CX3CR1: variants seen among roughly 807,000 people sequenced by gnomAD.
CX3CR1 encodes the protein C-X3-C motif chemokine receptor 1.
For synonymous variants in CX3CR1, 168 were observed against 178.5 expected, an observed-to-expected ratio of 0.94 and a Z score of 0.47; for missense variants, 363 against 432.4, an observed-to-expected ratio of 0.84 and a Z score of 1.42.
upstream of CX3CR1, chr3:39,286,628 G>A (rs1289986225): frequency 5.1e-5 from 7 of 137,568 alleles, no homozygotes; most frequent in South Asian, 2.5e-4. Context: ...TCCGCAGTCC[G>A]GCCTGGGCGA....
Position 39,265,257 on chromosome 3 carries a change from G to T in CX3CR1, c.*185C>A. 1.7e-6 allele frequency: 1 copy of T among 583,420 alleles called. No individual in the cohort carries two copies. The highest frequency in any genetic ancestry group is 2.9e-6 in the Non-Finnish European group (1 of 340,596). The allele number at this position is 583,420 out of a possible 1,614,324, so 36.1% of individuals were successfully genotyped here. A position where few individuals can be genotyped will look rare whatever the true frequency, so the allele number is the denominator to read the frequency against. ...AAATGTCTACTCTTTGTCATTCAAA[G>T]AGTTCAATTTGTTCATTCTTCAAAT... is the stretch of plus-strand genomic sequence containing the variant. On this transcript the variant is annotated 3_prime_UTR_variant, in exon 2 of 2. Transcript: ENST00000399220.
intron 1 of CX3CR1, among the ~76,000 whole-genome samples, chr3:39,267,617 G>C (rs2669850): frequency 0.45 from 68,986 of 151,880 alleles, 16,081 homozygotes; most frequent in Middle Eastern, 0.54. Context: ...ATCCTACAAC[G>C]CTAAGTGAAG....
At chr3:39,267,663 T>C (rs927109080) in intron 1 of CX3CR1, among the ~76,000 whole-genome samples, 2 of 152,172 alleles carry the variant, frequency 1.3e-5, no homozygotes, top group Admixed American at 6.5e-5. Context: ...TCTGCAGTCA[T>C]AGAGGGGCTG....
chr3:39,274,664 T>C (rs2040819509), intron 1 of CX3CR1, among the ~76,000 whole-genome samples: 2 of 152,164 alleles, frequency 1.3e-5, no homozygotes, highest in African/African-American at 4.8e-5. Flanking sequence ...AGGGAAATAC[T>C]TCATAATTTT....
chr3:39,270,565 A>G (rs2040763802), intron 1 of CX3CR1, among the ~76,000 whole-genome samples: 1 of 152,248 alleles, frequency 6.6e-6, no homozygotes, highest in African/African-American at 2.4e-5. Flanking sequence ...TGGTAAGTGA[A>G]AAAAGCTAGG....
Position 39,274,387 on chromosome 3 carries a change from A to G in CX3CR1, c.-10+5567T>C, listed in dbSNP as rs2040814555. Among the ~76,000 whole-genome samples the G allele has an allele frequency of 3.3e-5, 5 of 151,362 alleles. No individual in the cohort carries two copies. In the East Asian group the frequency reaches 9.7e-4, roughly 29 times the overall value. On this transcript the variant is annotated intron_variant, in intron 1 of 1. Coordinates refer to ENST00000399220, the MANE Select transcript of CX3CR1 (RefSeq NM_001337.4). The stretch of plus-strand genomic sequence containing the variant: ...AAATTCAGTGACTATCTATTCCTAT[A>G]GCAATGAGCCCATCTAGAACAGCAT...
At chr3:39,275,913 G>C (rs1397869920) in intron 1 of CX3CR1, among the ~76,000 whole-genome samples, 1 of 111,978 alleles carries the variant, frequency 8.9e-6, no homozygotes, top group African/African-American at 3.6e-5. Context: ...GTGATCAAGA[G>C]GATATCACAA....
intron 1 of CX3CR1, among the ~76,000 whole-genome samples, chr3:39,278,681 G>T (rs534488521): frequency 7.0e-6 from 1 of 142,172 alleles, no homozygotes; most frequent in Non-Finnish European, 1.5e-5. Flanking sequence ...TTTGTGGAGT[G>T]GGTGTTGAAA....
Position 39,265,859 on chromosome 3 carries a change from C to T in CX3CR1, c.651G>A (p.Thr217=), listed in dbSNP as rs2040688796. 5 of 1,614,060 alleles carry T rather than the reference C, an allele frequency of 3.1e-6. No individual in the cohort carries two copies. Among genetic ancestry groups the T allele is most frequent in the East Asian group, 2.2e-5 (1 of 44,896 alleles). ...TCTTGTGGTTCTTGCAGGAAAACAG[C>T]GTCTGGATGATTCTGAAGTAGCAAT... ...MSYCYFRIIQ[T]LFSCKNHKKA... The change falls in exon 2 of 2, where the codon ACG becomes ACA. Residue 217 remains threonine (T), a synonymous_variant. Coordinates refer to ENST00000399220, the MANE Select transcript of CX3CR1 (RefSeq NM_001337.4).
chr3:39,264,454 A>G lies in CX3CR1; in HGVS notation c.*988T>C, dbSNP rs550687298. On this transcript the variant is annotated 3_prime_UTR_variant, in exon 2 of 2. Coordinates refer to ENST00000399220, the MANE Select transcript of CX3CR1 (RefSeq NM_001337.4). The stretch of plus-strand genomic sequence containing the variant: ...TTGGGGTTGGAATCCATCCCTTCTT[A>G]TTTGGGGGCAGGGTTTTTCTATTTC... 7.2e-5 allele frequency: 11 copies of G among 152,416 alleles called. No individual in the cohort carries two copies. Among genetic ancestry groups the G allele is most frequent in the African/African-American group, 1.7e-4 (7 of 41,504 alleles). 9.4% of individuals were successfully genotyped at this position (152,416 alleles called of 1,614,324 possible). A position where few individuals can be genotyped will look rare whatever the true frequency, so the allele number is the denominator to read the frequency against.
chr3:39,266,463 T>C lies in CX3CR1; in HGVS notation c.47A>G (p.Asp16Gly). The change falls in exon 2 of 2, where the codon GAT becomes GGT. Residue 16 changes from aspartate (D) to glycine (G), a missense_variant. Coordinates refer to ENST00000399220, the MANE Select transcript of CX3CR1 (RefSeq NM_001337.4). ...CCCAATATAACAGGCCTCAGCCAAA[T>C]CATCGTACTCAAAGTTTTCTGTCAC... ...ESVTENFEYD[D>G]LAEACYIGDI... 1 of 1,614,096 alleles carries C rather than the reference T, an allele frequency of 6.2e-7. No individual in the cohort carries two copies. Among genetic ancestry groups the C allele is most frequent in the Non-Finnish European group, 8.5e-7 (1 of 1,179,964 alleles).
upstream of CX3CR1, chr3:39,281,577 C>T: frequency 1.9e-6 from 3 of 1,579,502 alleles, no homozygotes; most frequent in Non-Finnish European, 2.6e-6. Context: ...ATCTAACCTT[C>T]TCCGTTCTCT....
chr3:39,266,037 A>G lies in CX3CR1; in HGVS notation c.473T>C (p.Ile158Thr). 6.2e-7 allele frequency: 1 copy of G among 1,614,164 alleles called. No homozygotes were observed. The highest frequency in any genetic ancestry group is 8.5e-7 in the Non-Finnish European group (1 of 1,180,038). The part of the protein sequence containing the change: ...TISLGVWAAA[I>T]LVAAPQFMFT... Reference sequence around the variant, plus strand: ...CATGAACTGGGGTGCTGCCACCAAAATGGCTGCTGCCCAGACGCCTAGGCT... The same window carrying G: ...CATGAACTGGGGTGCTGCCACCAAAGTGGCTGCTGCCCAGACGCCTAGGCT... Residue 158 changes from isoleucine to threonine, a missense_variant, in exon 2 of 2, where the codon ATT (isoleucine) becomes ACT (threonine). Coordinates refer to ENST00000399220, the MANE Select transcript of CX3CR1 (RefSeq NM_001337.4).
At position 39,266,084 on chromosome 3, in the gene CX3CR1, G is replaced by A. The variant is rs377299023; in HGVS notation, c.426C>T (p.Thr142=). The change falls in exon 2 of 2, where the codon ACC becomes ACT. Residue 142 remains threonine (T), a synonymous_variant. Transcript: ENST00000399220. The part of the protein sequence containing the change: ...VLAANSMNNR[T]VQHGVTISLG... The stretch of plus-strand genomic sequence containing the variant: ...GGCTGATGGTGACGCCATGCTGCAC[G>A]GTCCGGTTGTTCATGGAGTTGGCGG... 62 of 1,614,072 alleles carry A rather than the reference G, an allele frequency of 3.8e-5. No homozygotes were observed. The highest frequency in any genetic ancestry group is 5.0e-5 in the Admixed American group (3 of 59,990).
upstream of CX3CR1, chr3:39,281,048 G>C (rs2040892073): frequency 1.0e-6 from 1 of 986,960 alleles, no homozygotes. Context: ...CTTACCTCTA[G>C]TCGCTGTGGT....
At chr3:39,289,940 A>G in the CX3CR1 span, among the ~76,000 whole-genome samples, 1 of 152,204 alleles carries the variant, frequency 6.6e-6, no homozygotes, top group Admixed American at 6.5e-5. Flanking sequence ...ATAAATTTCT[A>G]TTGTTTAAGC....
chr3:39,278,675 T>G (rs1252318391), intron 1 of CX3CR1, among the ~76,000 whole-genome samples: 3 of 39,126 alleles, frequency 7.7e-5, no homozygotes, highest in African/African-American at 2.9e-4. Flanking sequence ...TTTTTTTTTG[T>G]GGAGTGGGTG....
chr3:39,267,882 C>A (rs2040725120), intron 1 of CX3CR1, among the ~76,000 whole-genome samples: 1 of 152,228 alleles, frequency 6.6e-6, no homozygotes, highest in African/African-American at 2.4e-5. Context: ...GGACTTGCTG[C>A]TCATTCACTC....
chr3:39,280,484 C>T, upstream of CX3CR1: 4 of 982,968 alleles, frequency 4.1e-6, no homozygotes, highest in Non-Finnish European at 4.8e-6. Flanking sequence ...CACCTCAAGC[C>T]CTGCCCTATA....
Sources: allele counts gnomAD v4.1 joint callset (sites outside exome capture counted in the v4.1 genomes callset), GRCh38; gene constraint gnomAD v4.1.1; transcripts MANE v1.5; gene names NCBI Gene and HGNC (gene_info 2026-07-23, HGNC 2026-07-21).